FBN1: variants seen among roughly 807,000 people sequenced by gnomAD.
The protein encoded by FBN1 is fibrillin-1.
Under a neutral mutation model 365.1 loss-of-function variants are expected in FBN1, and 29 were observed. The observed-to-expected ratio is 0.08, with a 90% CI of 0.06 to 0.11. The LOEUF (loss-of-function observed/expected upper bound fraction) is 0.11. FBN1 is among the 10% of genes least tolerant of loss of function. FBN1 has a pLI of 1.00. For missense variants in FBN1, 2,476 were observed against 3,703.2 expected, an observed-to-expected ratio of 0.67 and a Z score of 8.60; for synonymous variants, 1,210 against 1,270.5, an observed-to-expected ratio of 0.95 and a Z score of 1.01.
chr15:48,447,400 C>G (rs1348586388), intron 46 of FBN1, among the ~76,000 whole-genome samples: 1 of 152,164 alleles, frequency 6.6e-6, no homozygotes, highest in Non-Finnish European at 1.5e-5. Context: ...TAAACTACCC[C>G]AAAGAGATGG....
At chr15:48,494,138 G>C (rs1047692914) in intron 23 of FBN1, 66 bp downstream of exon 23, 14 of 1,271,668 alleles carry the variant, frequency 1.1e-5, no homozygotes, top group South Asian at 3.6e-5. Flanking sequence ...GCTTTATCCA[G>C]TCCGAGTTAA....
chr15:48,615,936 G>A lies in FBN1; in HGVS notation c.165-2844C>T, dbSNP rs188331903. Among the ~76,000 whole-genome samples the A allele has an allele frequency of 7.2e-4, 109 of 152,270 alleles. 2 individuals carry two copies. The highest frequency in any genetic ancestry group is 1.4e-3 in the Non-Finnish European group (93 of 68,008). On this transcript the variant is annotated intron_variant, in intron 2 of 65. Coordinates refer to ENST00000316623, the MANE Select transcript of FBN1 (RefSeq NM_000138.5). ...TAGTTACCTTAAGAGATGAGAACCC[G>A]GGGAAGCAGAGAGAGAGTTCTCTTG...
At chr15:48,494,409 G>A (rs571031407) in intron 22 of FBN1, among the ~76,000 whole-genome samples, 155 bp from the exon 23 acceptor site, 40 of 152,280 alleles carry the variant, frequency 2.6e-4, no homozygotes, top group African/African-American at 8.7e-4. Flanking sequence ...ATGTTTCTGC[G>A]ATTGCATAGG....
chr15:48,434,524 G>T, intron 54 of FBN1, 70 bp downstream of exon 54: 5 of 1,585,668 alleles, frequency 3.2e-6, no homozygotes, highest in Non-Finnish European at 4.3e-6. Context: ...TTAATATTAA[G>T]ACTTGTAATC....
At chr15:48,547,751 A>T (rs900731662) in intron 6 of FBN1, among the ~76,000 whole-genome samples, 4 of 147,154 alleles carry the variant, frequency 2.7e-5, no homozygotes, top group African/African-American at 9.8e-5. Context: ...ACACACACAC[A>T]CACACACACA....
At chr15:48,472,482 T>G in intron 35 of FBN1, 69 bp downstream of exon 35, 2 of 1,067,620 alleles carry the variant, frequency 1.9e-6, no homozygotes, top group Non-Finnish European at 2.8e-6. Flanking sequence ...AAAAAAAGCA[T>G]CAGGAATGTT....
chr15:48,516,367 A>G lies in FBN1; in HGVS notation c.1148-5T>C. The stretch of plus-strand genomic sequence containing the variant: ...AGCACAGCTTGTTGAAATCCTCTAG[A>G]AAAACACAACAAAACAAAACACAAC... On this transcript the variant is annotated splice_region_variant and splice_polypyrimidine_tract_variant and intron_variant, in intron 10 of 65. Coordinates refer to ENST00000316623, the MANE Select transcript of FBN1 (RefSeq NM_000138.5). The G allele has an allele frequency of 6.2e-7, 1 of 1,613,348 alleles. No homozygotes were observed. Among genetic ancestry groups the G allele is most frequent in the Non-Finnish European group, 8.5e-7 (1 of 1,179,722 alleles).
intron 50 of FBN1, among the ~76,000 whole-genome samples, chr15:48,439,183 CTATTA>C (rs1299494170): frequency 1.3e-5 from 2 of 152,214 alleles, no homozygotes; most frequent in Non-Finnish European, 2.9e-5. Flanking sequence ...ATCTATCTAT[CTATTA>C]TATTTACCAA....
chr15:48,520,376 C>A (rs2043841150), intron 10 of FBN1, among the ~76,000 whole-genome samples: 1 of 152,100 alleles, frequency 6.6e-6, no homozygotes. Context: ...TCCATGAGAG[C>A]CATTAAGTAC....
At chr15:48,530,325 T>C (rs1421634960) in intron 8 of FBN1, among the ~76,000 whole-genome samples, 2 of 151,434 alleles carry the variant, frequency 1.3e-5, no homozygotes, top group Non-Finnish European at 2.9e-5. Context: ...TGAATTCTTA[T>C]TCATGCTGCA....
chr15:48,486,528 T>C (rs1485208810), intron 29 of FBN1, among the ~76,000 whole-genome samples: 1 of 152,198 alleles, frequency 6.6e-6, no homozygotes, highest in Non-Finnish European at 1.5e-5. Context: ...CAAAAACCCA[T>C]CTTTAAGGAG....
intron 43 of FBN1, among the ~76,000 whole-genome samples, chr15:48,458,502 T>C (rs572969270): frequency 1.3e-5 from 2 of 152,184 alleles, no homozygotes; most frequent in Non-Finnish European, 2.9e-5. Flanking sequence ...ATCACAACTG[T>C]GTATCATAAG....
intron 6 of FBN1, among the ~76,000 whole-genome samples, chr15:48,595,238 T>C (rs968135348): frequency 3.3e-5 from 5 of 152,222 alleles, no homozygotes; most frequent in African/African-American, 9.6e-5. Context: ...CACAAACCAC[T>C]CTCTGCTCTT....
intron 31 of FBN1, among the ~76,000 whole-genome samples, chr15:48,483,262 T>G (rs2043479765): frequency 6.6e-6 from 1 of 152,196 alleles, no homozygotes; most frequent in African/African-American, 2.4e-5. Flanking sequence ...GAGGAATGAT[T>G]GAACTTATGC....
intron 6 of FBN1, among the ~76,000 whole-genome samples, chr15:48,579,718 A>T (rs1483746086): frequency 6.6e-6 from 1 of 152,204 alleles, no homozygotes. Context: ...AAAAGCTACT[A>T]AGTTATAAAT....
intron 6 of FBN1, among the ~76,000 whole-genome samples, chr15:48,543,842 G>T (rs2044076434): frequency 6.6e-6 from 1 of 152,030 alleles, no homozygotes; most frequent in African/African-American, 2.4e-5. Context: ...ACGGTATTGT[G>T]GTTACATACA....
chr15:48,450,723 A>G (rs2043195003), intron 45 of FBN1, among the ~76,000 whole-genome samples: 1 of 152,164 alleles, frequency 6.6e-6, no homozygotes, highest in Non-Finnish European at 1.5e-5. Flanking sequence ...TCTCAGCAAT[A>G]ATGTGGGTGC....
At chr15:48,456,871 T>TGTGTGTGTGCGC in intron 43 of FBN1, 109 bp from the exon 44 acceptor site, 13 of 1,083,604 alleles carry the variant, frequency 1.2e-5, no homozygotes, top group Middle Eastern at 4.2e-4. Context: ...TGTGTGTGTG[T>TGTGTGTGTGCGC]GCGTGCATGT....
intron 2 of FBN1, among the ~76,000 whole-genome samples, chr15:48,621,789 C>G (rs1490134427): frequency 6.6e-6 from 1 of 151,630 alleles, no homozygotes; most frequent in Non-Finnish European, 1.5e-5. Flanking sequence ...GAGATCGAGA[C>G]CATCCTGCCT....
Sources: allele counts gnomAD v4.1 joint callset (sites outside exome capture counted in the v4.1 genomes callset), GRCh38; gene constraint gnomAD v4.1.1; transcripts MANE v1.5; gene names NCBI Gene and HGNC (gene_info 2026-07-23, HGNC 2026-07-21).